ZNF550: variants seen among roughly 807,000 people sequenced by gnomAD.
ZNF550 encodes zinc finger protein 550.
ZNF550 carries 42 observed loss-of-function variants against 40.2 expected under a neutral mutation model. That is an observed-to-expected ratio of 1.05 (90% confidence interval 0.82 to 1.35). ZNF550 has a LOEUF of 1.35. Ranked by LOEUF, ZNF550 falls within the 40% of genes most tolerant of loss-of-function variation. The pLI is 0.00. For missense variants in ZNF550, 549 were observed against 525.2 expected (o/e 1.05, Z -0.44); for synonymous variants, 223 against 198.6 (o/e 1.12, Z -1.03).
exon 4 of ZNF550, chr19:57,547,895 T>G: frequency 6.2e-7 from 1 of 1,614,046 alleles, no homozygotes; most frequent in African/African-American, 1.3e-5. Flanking sequence ...TCACTTGAGG[T>G]TGAAGATTCC....
chr19:57,559,838 T>C (rs958975272), exon 1 of ZNF550: 3 of 593,152 alleles, frequency 5.1e-6, no homozygotes, highest in Non-Finnish European at 7.5e-6. Flanking sequence ...ACCACAAACG[T>C]CCACGCCAGC....
intron 2 of ZNF550, chr19:57,555,732 C>A: frequency 5.2e-6 from 1 of 191,698 alleles, no homozygotes; most frequent in Non-Finnish European, 1.1e-5. Context: ...GAGGACATTC[C>A]TGTGTACCCT....
chr19:57,546,392 T>A, intron 4 of ZNF550: 1 of 714,130 alleles, frequency 1.4e-6, no homozygotes, highest in Non-Finnish European at 1.7e-6. Context: ...TCTCAAACAT[T>A]CCCCTACCAA....
chr19:57,547,098 C>T (rs2090018979), exon 4 of ZNF550: 1 of 1,613,374 alleles, frequency 6.2e-7, no homozygotes, highest in Non-Finnish European at 8.5e-7. Context: ...GGTACGTGCT[C>T]CGGTGAAAGG....
intron 3 of ZNF550, among the ~76,000 whole-genome samples, chr19:57,551,866 C>A (rs930408102): frequency 1.3e-5 from 2 of 152,114 alleles, no homozygotes; most frequent in African/African-American, 2.4e-5. Context: ...GCAAGAGGGG[C>A]AGGAAGATAT....
At chr19:57,551,046 T>C (rs2090068375) in intron 3 of ZNF550, among the ~76,000 whole-genome samples, 1 of 152,094 alleles carries the variant, frequency 6.6e-6, no homozygotes, top group Non-Finnish European at 1.5e-5. Flanking sequence ...TATAGATAAG[T>C]TGAAGGTACA....
In ZNF550 at chr19:57,547,396, C is replaced by G. The variant is rs2090025788; in HGVS notation, c.848G>C (p.Gly283Ala). The change falls in exon 4 of 5, where the codon GGA becomes GCA. Residue 283 changes from glycine to alanine, a missense_variant. Physicochemically the swap from Gly to Ala is moderately conservative, Grantham distance 60 (BLOSUM62 0). Coordinates refer to ENST00000457177, the Ensembl canonical transcript of ZNF550. ...TTGACTACACTCATAGGGTTTCTCT[C>G]CAGTGTGGATTGGATGGTGCTGCAT... 1.9e-6 allele frequency: 3 copies of G among 1,613,604 alleles called. No individual in the cohort carries two copies. In the East Asian group the frequency reaches 6.7e-5, roughly 36 times the overall value.
chr19:57,548,261 G>C (rs2123346205), intron 3 of ZNF550, among the ~76,000 whole-genome samples: 1 of 152,106 alleles, frequency 6.6e-6, no homozygotes. Context: ...GTAAGGAAGA[G>C]ATAATAGAGT....
chr19:57,547,595 A>AC lies in ZNF550; in HGVS notation c.648dup (p.Tyr217ValfsTer16). 1 of 1,614,186 alleles carries AC rather than the reference A, an allele frequency of 6.2e-7. No individual in the cohort carries two copies. The highest frequency in any genetic ancestry group is 8.5e-7 in the Non-Finnish European group (1 of 1,180,036). On this transcript the variant is annotated frameshift_variant, in exon 4 of 5. Coordinates refer to ENST00000457177, the Ensembl canonical transcript of ZNF550. LOFTEE classifies it high-confidence loss of function. ...TGAACCCTCTGATGTCGAACGAGAT[A>AC]CCACTTCCTGTTAAAACCTTTCCCA...
chr19:57,553,823 T>C (rs772694797), intron 2 of ZNF550: 12 of 152,212 alleles, frequency 7.9e-5, no homozygotes, highest in Non-Finnish European at 1.3e-4. Context: ...GTGTGAGACC[T>C]GGGCATCAGT....
intron 4 of ZNF550, chr19:57,544,253 T>C (rs954689681): frequency 7.1e-6 from 7 of 985,272 alleles, no homozygotes; most frequent in African/African-American, 1.7e-5. Flanking sequence ...CAGCAGCAAG[T>C]TCATAGTAGA....
intron 3 of ZNF550, among the ~76,000 whole-genome samples, chr19:57,550,775 T>C (rs770984527): frequency 1.3e-5 from 2 of 152,214 alleles, no homozygotes; most frequent in African/African-American, 2.4e-5. Flanking sequence ...TACTTATTAT[T>C]GTATACATAA....
At chr19:57,556,243 G>A (rs2090119459) in exon 2 of ZNF550, 1 of 1,613,958 alleles carries the variant, frequency 6.2e-7, no homozygotes. Flanking sequence ...AGTGAAACCA[G>A]AAGCCCACAG....
intron 2 of ZNF550, chr19:57,553,393 G>A (rs764196026): frequency 6.6e-6 from 1 of 152,234 alleles, no homozygotes; most frequent in African/African-American, 2.4e-5. Context: ...CGGCAAAGGT[G>A]TGCTGCTTCC....
intron 2 of ZNF550, chr19:57,556,029 G>A (rs1410660074): frequency 1.7e-6 from 1 of 580,912 alleles, no homozygotes; most frequent in African/African-American, 1.9e-5. Flanking sequence ...ACCTCAGAAT[G>A]GGCTGAGCAC....
At chr19:57,547,434 G>A (rs1446128512) in exon 4 of ZNF550, 2 of 1,613,804 alleles carry the variant, frequency 1.2e-6, no homozygotes, top group African/African-American at 2.7e-5. Flanking sequence ...GGTACGACCT[G>A]CGTTTGAAGG....
At chr19:57,541,998 A>G (rs764392215) in exon 5 of ZNF550, 11 of 152,162 alleles carry the variant, frequency 7.2e-5, no homozygotes, top group African/African-American at 1.4e-4. Context: ...ATTAATCACC[A>G]ATAAAGTACC....
chr19:57,542,439 A>C lies in ZNF550; in HGVS notation c.*1323T>G, dbSNP rs932330065. 12 of 151,948 alleles carry C rather than the reference A, an allele frequency of 7.9e-5. No homozygotes were observed. In the South Asian group the frequency reaches 1.5e-3, roughly 19 times the overall value. The allele number at this position is 151,948 out of a possible 1,614,324, so 9.4% of individuals were successfully genotyped here. A position where few individuals can be genotyped will look rare whatever the true frequency, so the allele number is the denominator to read the frequency against. On this transcript the variant is annotated 3_prime_UTR_variant, in exon 5 of 5. Transcript: ENST00000457177. ...AGCTGGTGGTGATATATTTCATAGC[A>C]GGAAAATGGAGGAAATACATGTCCA...
upstream of ZNF550, among the ~76,000 whole-genome samples, chr19:57,560,511 G>GTACA: frequency 6.6e-6 from 1 of 152,314 alleles, no homozygotes; most frequent in Non-Finnish European, 1.5e-5. Context: ...GGAAGAAAAA[G>GTACA]TACACATTTT....
Sources: gnomAD v4.1 joint callset for allele counts (sites outside exome capture counted in the v4.1 genomes callset) on GRCh38, gnomAD v4.1.1 for gene constraint, MANE v1.5 for transcripts, NCBI Gene and HGNC (gene_info 2026-07-23, HGNC 2026-07-21) for gene names.